The following TRAPPC9 variants were observed in gnomAD, a reference collection of about 807,000 sequenced individuals.
TRAPPC9 encodes the protein trafficking protein particle complex subunit 9, also known as IKK2 binding protein.
TRAPPC9 carries 83 observed loss-of-function variants against 124.0 expected under a neutral mutation model. The observed-to-expected ratio is 0.67, with a 90% CI of 0.56 to 0.80. TRAPPC9 has a LOEUF of 0.80. Among genes scored for constraint, TRAPPC9 ranks in the 30% least tolerant of loss-of-function variants. The pLI is 0.00. For synonymous variants in TRAPPC9, 638 were observed against 617.5 expected, an observed-to-expected ratio of 1.03 and a Z score of -0.49; for missense variants, 1,302 against 1,508.3, an observed-to-expected ratio of 0.86 and a Z score of 2.27.
intron 21 of TRAPPC9, among the ~76,000 whole-genome samples, chr8:139,875,391 A>T (rs1829255086): frequency 1.3e-5 from 2 of 152,216 alleles, no homozygotes. Context: ...CCACAGATGG[A>T]ACACTGGGGG....
intron 2 of TRAPPC9, 142 bp downstream of exon 2, chr8:140,450,648 A>C (rs1456585840): frequency 2.7e-6 from 2 of 753,546 alleles, no homozygotes; most frequent in African/African-American, 3.5e-5. Flanking sequence ...AGCAGCACTC[A>C]AACAGATTCT....
chr8:140,303,454 A>T (rs2066039119), intron 10 of TRAPPC9, among the ~76,000 whole-genome samples: 1 of 152,222 alleles, frequency 6.6e-6, no homozygotes, highest in South Asian at 2.1e-4. Context: ...CTGTGTACAC[A>T]CTGTATCATT....
chr8:140,152,290 C>T (rs970687097), intron 17 of TRAPPC9, among the ~76,000 whole-genome samples: 1 of 144,296 alleles, frequency 6.9e-6, no homozygotes, highest in Admixed American at 6.9e-5. Flanking sequence ...TCAATTTCTA[C>T]CAAAAAATGA....
At chr8:140,378,094 C>T (rs987659974) in intron 7 of TRAPPC9, among the ~76,000 whole-genome samples, 2 of 152,180 alleles carry the variant, frequency 1.3e-5, no homozygotes, top group South Asian at 2.1e-4. Flanking sequence ...TCATTCAGAA[C>T]GTAGCTTCTC....
chr8:140,291,691 G>A (rs1330734739), intron 11 of TRAPPC9, among the ~76,000 whole-genome samples: 5 of 152,358 alleles, frequency 3.3e-5, no homozygotes, highest in African/African-American at 1.2e-4. Flanking sequence ...ATGTGATTGA[G>A]GACCCCAATC....
intron 16 of TRAPPC9, among the ~76,000 whole-genome samples, chr8:140,229,390 T>C (rs890621880): frequency 3.3e-5 from 5 of 149,446 alleles, no homozygotes; most frequent in African/African-American, 1.2e-4. Flanking sequence ...GCCTCCCGAG[T>C]AGCTAGGATT....
chr8:140,130,329 C>A (rs902000384), intron 17 of TRAPPC9, among the ~76,000 whole-genome samples: 1 of 152,280 alleles, frequency 6.6e-6, no homozygotes, highest in African/African-American at 2.4e-5. Flanking sequence ...AGAGGCCGGG[C>A]AGACACCACC....
intron 21 of TRAPPC9, among the ~76,000 whole-genome samples, chr8:139,828,532 C>G (rs1238772188): frequency 6.6e-6 from 1 of 152,194 alleles, no homozygotes; most frequent in Non-Finnish European, 1.5e-5. Context: ...AAAGTCATTA[C>G]CAAATCGGGA....
chr8:139,893,728 G>A (rs944552277), intron 20 of TRAPPC9, among the ~76,000 whole-genome samples: 4 of 152,234 alleles, frequency 2.6e-5, no homozygotes, highest in African/African-American at 7.2e-5. Context: ...GCTCCCTGAC[G>A]ATCTACTCTG....
At chr8:140,002,099 TCTAATA>T (rs1488264559) in intron 18 of TRAPPC9, among the ~76,000 whole-genome samples, 1 of 151,912 alleles carries the variant, frequency 6.6e-6, no homozygotes. Flanking sequence ...GTCAGCATTA[TCTAATA>T]CCAAAACCAG....
intron 19 of TRAPPC9, among the ~76,000 whole-genome samples, chr8:139,941,619 A>G (rs1421219138): frequency 6.6e-6 from 1 of 152,212 alleles, no homozygotes; most frequent in Admixed American, 6.5e-5. Context: ...AGCACAAGGA[A>G]AGGAATTTTC....
chr8:139,920,572 C>G (rs1563922892), intron 19 of TRAPPC9, among the ~76,000 whole-genome samples: 1 of 152,240 alleles, frequency 6.6e-6, no homozygotes, highest in Non-Finnish European at 1.5e-5. Flanking sequence ...GCAGGGCACA[C>G]AGCTGGGGCT....
chr8:140,060,184 T>C (rs1224888476), intron 17 of TRAPPC9, among the ~76,000 whole-genome samples: 1 of 152,168 alleles, frequency 6.6e-6, no homozygotes, highest in Non-Finnish European at 1.5e-5. Context: ...ACATCCAGAG[T>C]AGCCTTCACC....
intron 19 of TRAPPC9, among the ~76,000 whole-genome samples, chr8:139,939,892 G>C (rs112547699): frequency 6.6e-6 from 1 of 152,218 alleles, no homozygotes; most frequent in East Asian, 1.9e-4. Context: ...TGCGGGAAAG[G>C]CCTGCCCCTC....
intron 21 of TRAPPC9, among the ~76,000 whole-genome samples, chr8:139,869,994 G>T (rs1379224731): frequency 1.3e-5 from 2 of 152,020 alleles, no homozygotes; most frequent in Non-Finnish European, 2.9e-5. Flanking sequence ...CAACCCACAG[G>T]TAGATATTTA....
intron 21 of TRAPPC9, among the ~76,000 whole-genome samples, chr8:139,735,753 C>T (rs577263336): frequency 1.1e-4 from 16 of 152,176 alleles, no homozygotes; most frequent in African/African-American, 2.6e-4. Context: ...GGCAGAGCCA[C>T]GCTGGCCTGC....
At chr8:140,129,250 G>C (rs952880525) in intron 17 of TRAPPC9, among the ~76,000 whole-genome samples, 1 of 152,118 alleles carries the variant, frequency 6.6e-6, no homozygotes, top group Non-Finnish European at 1.5e-5. Context: ...CCGTGAGGAG[G>C]GGAGGCTGGC....
At position 140,249,597 on chromosome 8, in the gene TRAPPC9, C is replaced by CTTT. The variant is rs35511380; in HGVS notation, c.2431+3177_2431+3179dup. ...AAGTGCAGGCAAATCATCTTTCACT[C>CTTT]TTTTTTTTTTTTTTTTTTTTTTTTG... On this transcript the variant is annotated intron_variant, in intron 16 of 22. Coordinates refer to ENST00000438773, the MANE Select transcript of TRAPPC9 (RefSeq NM_001160372.4). Among the ~76,000 whole-genome samples the CTTT allele has an allele frequency of 9.6e-3, 786 of 82,002 alleles. 28 individuals carry two copies. The highest frequency in any genetic ancestry group is 0.022 in the African/African-American group (407 of 18,798). The allele number at this position is 82,002 out of a possible 152,430, so 53.8% of individuals were successfully genotyped here. A position where few individuals can be genotyped will look rare whatever the true frequency, so the allele number is the denominator to read the frequency against.
At chr8:140,452,278 G>A (rs574881888) in intron 1 of TRAPPC9, among the ~76,000 whole-genome samples, 17 of 151,566 alleles carry the variant, frequency 1.1e-4, no homozygotes, top group Admixed American at 2.6e-4. Context: ...AAATTAGCCC[G>A]GCGTGGTGGC....
Sources: allele counts gnomAD v4.1 joint callset (sites outside exome capture counted in the v4.1 genomes callset), GRCh38; gene constraint gnomAD v4.1.1; transcripts MANE v1.5; gene names NCBI Gene and HGNC (gene_info 2026-07-23, HGNC 2026-07-21).